Variants in RALB observed in about 807,000 individuals in gnomAD.
RALB encodes the protein ras-related protein Ral-B.
Under a neutral mutation model 21.3 loss-of-function variants are expected in RALB, and 16 were observed. The observed-to-expected ratio is 0.75, with a 90% CI of 0.51 to 1.14. The LOEUF (loss-of-function observed/expected upper bound fraction) is 1.14. Among genes scored for constraint, RALB ranks in the 50% most tolerant of loss-of-function variants. The probability of loss-of-function intolerance (pLI) is 0.00; values close to 1 mark genes in which losing one functional copy is unlikely to be tolerated. For synonymous variants in RALB, 93 were observed against 96.1 expected, an observed-to-expected ratio of 0.97 and a Z score of 0.19; for missense variants, 161 against 256.2, an observed-to-expected ratio of 0.63 and a Z score of 2.54.
intron 1 of RALB, among the ~76,000 whole-genome samples, chr2:120,240,384 A>C (rs1688874836): frequency 6.6e-6 from 1 of 151,510 alleles, no homozygotes; most frequent in Non-Finnish European, 1.5e-5. Context: ...TCCCAGATTC[A>C]AGTGGTCCTC....
intron 1 of RALB, among the ~76,000 whole-genome samples, chr2:120,278,100 AGT>A (rs769677954): frequency 4.8e-5 from 7 of 146,216 alleles, no homozygotes; most frequent in South Asian, 2.2e-4. Context: ...GGCATGTGTG[AGT>A]GTGTTAGTGA....
chr2:120,275,070 A>T (rs566120556), intron 1 of RALB, among the ~76,000 whole-genome samples: 1 of 152,222 alleles, frequency 6.6e-6, no homozygotes, highest in South Asian at 2.1e-4. Flanking sequence ...TTGGCTTTAG[A>T]GGAGTGTTGT....
At chr2:120,265,760 AC>A (rs1245712924) in intron 1 of RALB, among the ~76,000 whole-genome samples, 5 of 134,042 alleles carry the variant, frequency 3.7e-5, no homozygotes, top group Admixed American at 7.6e-5. Flanking sequence ...TATGCAATAT[AC>A]TAGAGATGCT....
intron 1 of RALB, among the ~76,000 whole-genome samples, chr2:120,272,020 A>T (rs1052380446): frequency 2.6e-5 from 4 of 152,156 alleles, no homozygotes; most frequent in South Asian, 2.1e-4. Context: ...GCCATAACAA[A>T]ATACCATAGA....
chr2:120,268,499 C>T (rs931104813), intron 1 of RALB, among the ~76,000 whole-genome samples: 2 of 152,122 alleles, frequency 1.3e-5, no homozygotes, highest in African/African-American at 4.8e-5. Context: ...ATGGCTAATC[C>T]GACCAGATGC....
chr2:120,282,543 C>T (rs1182065889), intron 2 of RALB, among the ~76,000 whole-genome samples: 1 of 100,516 alleles, frequency 9.9e-6, no homozygotes, highest in African/African-American at 4.1e-5. Context: ...CTGGAGGTTT[C>T]TGGGTGTGTG....
chr2:120,256,794 C>T (rs6542579), intron 1 of RALB, among the ~76,000 whole-genome samples: 105,653 of 152,068 alleles, frequency 0.69, 37,293 homozygotes, highest in Middle Eastern at 0.8. Flanking sequence ...CCAGACCTGG[C>T]ACAATGTGGG....
chr2:120,260,207 G>A (rs993439101), intron 1 of RALB, among the ~76,000 whole-genome samples: 1 of 152,258 alleles, frequency 6.6e-6, no homozygotes, highest in African/African-American at 2.4e-5. Context: ...CCGCAGTGCA[G>A]TGGGGGGACT....
At chr2:120,262,055 G>A (rs1313197230) in intron 1 of RALB, among the ~76,000 whole-genome samples, 1 of 152,162 alleles carries the variant, frequency 6.6e-6, no homozygotes, top group African/African-American at 2.4e-5. Flanking sequence ...GATGTCATTG[G>A]GGAGGACGAC....
chr2:120,279,337 AG>A (rs1404046621), intron 2 of RALB, among the ~76,000 whole-genome samples: 2 of 152,152 alleles, frequency 1.3e-5, no homozygotes, highest in Non-Finnish European at 2.9e-5. Flanking sequence ...GAGCTACAAA[AG>A]TCCCTGCTTG....
intron 1 of RALB, among the ~76,000 whole-genome samples, chr2:120,242,717 G>A (rs1055938879): frequency 3.6e-4 from 54 of 152,076 alleles, no homozygotes; most frequent in Admixed American, 2.0e-4. Flanking sequence ...CAGCCTGGGC[G>A]ACAGAGCAAG....
intron 3 of RALB, among the ~76,000 whole-genome samples, chr2:120,287,682 T>G (rs1412610332): frequency 6.6e-6 from 1 of 152,220 alleles, no homozygotes; most frequent in Non-Finnish European, 1.5e-5. Context: ...TCACCACACA[T>G]GCACAGATAG....
chr2:120,252,671 G>A (rs373647585), upstream of RALB: 286 of 568,448 alleles, frequency 5.0e-4, 1 homozygote, highest in African/African-American at 5.3e-3. Flanking sequence ...CCGTGCCTGG[G>A]GCAGCTTCTC....
At chr2:120,277,384 C>T (rs531353713) in intron 1 of RALB, among the ~76,000 whole-genome samples, 2 of 150,456 alleles carry the variant, frequency 1.3e-5, no homozygotes, top group African/African-American at 4.9e-5. Context: ...GTGGCGTGAA[C>T]ATGTATGTGT....
intron 1 of RALB, among the ~76,000 whole-genome samples, chr2:120,262,259 C>T (rs952512172): frequency 6.6e-6 from 1 of 152,102 alleles, no homozygotes; most frequent in Non-Finnish European, 1.5e-5. Context: ...GTGCAGGTGA[C>T]ATTGGGGAGG....
intron 2 of RALB, among the ~76,000 whole-genome samples, chr2:120,281,879 G>A (rs1386710005): frequency 6.6e-6 from 1 of 152,174 alleles, no homozygotes; most frequent in Admixed American, 6.5e-5. Context: ...GTTGTTAACA[G>A]AGGTGAGAGA....
intron 1 of RALB, among the ~76,000 whole-genome samples, chr2:120,277,285 G>A (rs1558953217): frequency 6.6e-6 from 1 of 152,092 alleles, no homozygotes; most frequent in African/African-American, 2.4e-5. Flanking sequence ...GAGCATGTGC[G>A]AGAGCGTGTG....
intron 1 of RALB, among the ~76,000 whole-genome samples, chr2:120,246,746 C>A (rs1688976956): frequency 6.6e-6 from 1 of 152,192 alleles, no homozygotes; most frequent in Non-Finnish European, 1.5e-5. Flanking sequence ...TGTGACTGGA[C>A]CTTCAGGTGC....
intron 1 of RALB, among the ~76,000 whole-genome samples, chr2:120,277,605 G>A (rs1689843513): frequency 6.6e-6 from 1 of 151,882 alleles, no homozygotes; most frequent in African/African-American, 2.4e-5. Flanking sequence ...TGGAGTGTGT[G>A]TTGTGAGAGC....
Sources: gnomAD v4.1 joint callset for allele counts (sites outside exome capture counted in the v4.1 genomes callset) on GRCh38, gnomAD v4.1.1 for gene constraint, MANE v1.5 for transcripts, NCBI Gene and HGNC (gene_info 2026-07-23, HGNC 2026-07-21) for gene names.